Variants in DAB1 observed in about 807,000 individuals in gnomAD.
DAB1 encodes the protein DAB adaptor protein 1.
DAB1 carries 15 observed loss-of-function variants against 64.6 expected under a neutral mutation model. The observed-to-expected ratio is 0.23, with a 90% CI of 0.16 to 0.36. The LOEUF (loss-of-function observed/expected upper bound fraction) is 0.36, where lower values mean the gene tolerates loss of function less well. Among genes scored for constraint, DAB1 ranks in the 10% least tolerant of loss-of-function variants. DAB1 has a pLI of 1.00. For missense variants in DAB1, 596 were observed against 706.7 expected, an observed-to-expected ratio of 0.84 and a Z score of 1.78; for synonymous variants, 235 against 251.9, an observed-to-expected ratio of 0.93 and a Z score of 0.64.
intron 5 of DAB1, among the ~76,000 whole-genome samples, chr1:58,108,442 T>G (rs1431116605): frequency 6.6e-6 from 1 of 152,230 alleles, no homozygotes; most frequent in African/African-American, 2.4e-5. Context: ...TACCAAGTGC[T>G]TCTGATGAAG....
intron 1 of DAB1, among the ~76,000 whole-genome samples, chr1:57,388,652 C>T (rs1388253249): frequency 6.6e-6 from 1 of 152,186 alleles, no homozygotes; most frequent in East Asian, 1.9e-4. Context: ...TCTCTGAAAG[C>T]TCATCTCTCT....
At chr1:57,080,737 C>T (rs1652420095) in intron 4 of DAB1, among the ~76,000 whole-genome samples, 1 of 138,156 alleles carries the variant, frequency 7.2e-6, no homozygotes, top group African/African-American at 2.7e-5. Context: ...GAAGTTACAA[C>T]ACACACACAC....
rs557917802 is a variant in DAB1, at chr1:58,253,719, A to T, written n.309+89633T>A. ...AGATTGAGTGACTTGCTCAAAGACC[A>T]ACAGCTAACTAGTAAGAGTTAAGAT... is the stretch of plus-strand genomic sequence containing the variant. On this transcript the variant is annotated intron_variant and non_coding_transcript_variant, in intron 4 of 20. Transcript: ENST00000485760. Among the ~76,000 whole-genome samples the T allele has an allele frequency of 2.0e-5, 3 of 152,368 alleles. No individual in the cohort carries two copies. The East Asian group carries it at 5.8e-4, about 29-fold the overall frequency.
At chr1:57,925,030 T>A (rs992241549) in intron 5 of DAB1, among the ~76,000 whole-genome samples, 19 of 152,168 alleles carry the variant, frequency 1.2e-4, no homozygotes, top group African/African-American at 4.3e-4. Flanking sequence ...AAGACGAATA[T>A]CTGTGCACTT....
chr1:57,523,186 C>T (rs1644550698), intron 7 of DAB1, among the ~76,000 whole-genome samples: 1 of 152,158 alleles, frequency 6.6e-6, no homozygotes, highest in Non-Finnish European at 1.5e-5. Context: ...ACCCCCCTTC[C>T]CTGTCTGTTA....
chr1:56,994,783 T>C lies in DAB1; in HGVS notation c.*3361A>G, dbSNP rs1374116928. The C allele has an allele frequency of 6.6e-6, 1 of 152,232 alleles. No individual in the cohort carries two copies. The highest frequency in any genetic ancestry group is 1.9e-4 in the East Asian group (1 of 5,202). The allele number at this position is 152,232 out of a possible 1,614,324, so 9.4% of individuals were successfully genotyped here. ...AGAATAAAGCCAGGCTAAAGTGTTG[T>C]TCTCAAACATGTTTATTTGTAACAG... On this transcript the variant is annotated 3_prime_UTR_variant, in exon 15 of 15. Coordinates refer to ENST00000371236, the MANE Select transcript of DAB1 (RefSeq NM_001365792.1).
intron 5 of DAB1, among the ~76,000 whole-genome samples, chr1:58,016,013 G>C (rs1570229955): frequency 6.6e-6 from 1 of 152,060 alleles, no homozygotes; most frequent in South Asian, 2.1e-4. Flanking sequence ...CCTAGGGGGG[G>C]GTAGTTGAGA....
At chr1:58,545,840 A>G (rs1437852336) in intron 1 of DAB1, among the ~76,000 whole-genome samples, 1 of 152,218 alleles carries the variant, frequency 6.6e-6, no homozygotes, top group Non-Finnish European at 1.5e-5. Context: ...ATTCAAGCAA[A>G]GTACACACAT....
chr1:58,080,245 T>C (rs1286799417), intron 5 of DAB1: 1 of 152,222 alleles, frequency 6.6e-6, no homozygotes, highest in African/African-American at 2.4e-5. Flanking sequence ...GACTGATCTC[T>C]CATTTTTTCA....
At position 57,145,404 on chromosome 1, in the gene DAB1, C is replaced by T. The variant is rs755664004; in HGVS notation, c.93G>A (p.Leu31=). ...CCCCTTCACCTTTAAACCTCTTTAT[C>T]AAAGTGGCTTCACTGCGATCCTGAC... ...KKGQDRSEAT[L]IKRFKGEGVR... The change falls in exon 3 of 15, where the codon TTG becomes TTA. Residue 31 remains leucine, a synonymous_variant. Transcript: ENST00000371236. 281 of 1,613,924 alleles carry T rather than the reference C, an allele frequency of 1.7e-4. No homozygotes were observed. Among genetic ancestry groups the T allele is most frequent in the Non-Finnish European group, 2.3e-4 (273 of 1,179,932 alleles).
At chr1:58,033,550 C>A (rs1308171399) in intron 5 of DAB1, among the ~76,000 whole-genome samples, 1 of 152,202 alleles carries the variant, frequency 6.6e-6, no homozygotes, top group Non-Finnish European at 1.5e-5. Context: ...AATCAAAGGG[C>A]CACTTTGTGT....
intron 7 of DAB1, chr1:57,606,001 G>C: frequency 1.5e-6 from 1 of 664,154 alleles, no homozygotes; most frequent in Admixed American, 1.9e-5. Context: ...TTCACCACAA[G>C]GAGTTTTTCT....
intron 14 of DAB1, among the ~76,000 whole-genome samples, chr1:57,002,124 T>C (rs1276843891): frequency 6.6e-6 from 1 of 152,208 alleles, no homozygotes; most frequent in African/African-American, 2.4e-5. Flanking sequence ...AATATCTTTA[T>C]TTTTAGATAA....
At chr1:58,357,412 A>G (rs1027068913) in intron 3 of DAB1, among the ~76,000 whole-genome samples, 1 of 152,144 alleles carries the variant, frequency 6.6e-6, no homozygotes, top group African/African-American at 2.4e-5. Flanking sequence ...GCACAACAGG[A>G]AAAATAAAGA....
chr1:57,235,137 T>G (rs1309771593), intron 2 of DAB1, among the ~76,000 whole-genome samples: 2 of 152,202 alleles, frequency 1.3e-5, no homozygotes, highest in African/African-American at 4.8e-5. Context: ...AAGTTTTGCC[T>G]AACACAGAGT....
chr1:57,020,263 T>A (rs953339027), intron 11 of DAB1, among the ~76,000 whole-genome samples: 1 of 152,222 alleles, frequency 6.6e-6, no homozygotes, highest in African/African-American at 2.4e-5. Context: ...ACACACTGTA[T>A]GAATAGCAGA....
At chr1:58,300,616 G>GAA (rs1557726101) in intron 4 of DAB1, among the ~76,000 whole-genome samples, 1 of 44,084 alleles carries the variant, frequency 2.3e-5, no homozygotes, top group African/African-American at 7.3e-5. Flanking sequence ...AAGAAAGAGA[G>GAA]AGAGAGAGAG....
intron 6 of DAB1, among the ~76,000 whole-genome samples, chr1:57,803,237 C>T (rs1402660606): frequency 6.6e-6 from 1 of 152,228 alleles, no homozygotes; most frequent in Non-Finnish European, 1.5e-5. Flanking sequence ...GTGAACTGTA[C>T]TCATTGATCT....
At chr1:58,151,736 T>C (rs1654951396) in intron 4 of DAB1, among the ~76,000 whole-genome samples, 1 of 152,182 alleles carries the variant, frequency 6.6e-6, no homozygotes, top group Non-Finnish European at 1.5e-5. Context: ...ACCTGCTAGA[T>C]ACTGAAGATA....
Sources: allele counts gnomAD v4.1 joint callset (sites outside exome capture counted in the v4.1 genomes callset), GRCh38; gene constraint gnomAD v4.1.1; transcripts MANE v1.5; gene names NCBI Gene and HGNC (gene_info 2026-07-23, HGNC 2026-07-21).